GALNT13: variants seen among roughly 807,000 people sequenced by gnomAD.
GALNT13 encodes the protein UDP-GalNAc:polypeptide N-acetylgalactosaminyltransferase 13.
GALNT13 carries 28 observed loss-of-function variants against 64.2 expected under a neutral mutation model. The ratio of observed to expected loss-of-function variants is 0.44; its 90% CI spans 0.32 to 0.60. GALNT13 has a LOEUF of 0.60. GALNT13 is among the 20% of genes least tolerant of loss of function. The pLI, the probability that GALNT13 is intolerant of heterozygous loss-of-function variation, is 0.05. For missense variants in GALNT13, 577 were observed against 669.8 expected, an observed-to-expected ratio of 0.86 and a Z score of 1.53; for synonymous variants, 214 against 224.6, an observed-to-expected ratio of 0.95 and a Z score of 0.42.
At chr2:153,320,900 A>G in the GALNT13 span, among the ~76,000 whole-genome samples, 5 of 152,144 alleles carry the variant, frequency 3.3e-5, no homozygotes, top group East Asian at 1.9e-4. Flanking sequence ...ATATCTTTTA[A>G]CCCATTCAAT....
At chr2:153,182,705 A>G in the GALNT13 span, among the ~76,000 whole-genome samples, 1 of 152,178 alleles carries the variant, frequency 6.6e-6, no homozygotes, top group Non-Finnish European at 1.5e-5. Context: ...TAGTGAGAAC[A>G]TGAGGTGTTT....
the GALNT13 span, among the ~76,000 whole-genome samples, chr2:153,472,336 T>A: frequency 6.6e-6 from 1 of 152,212 alleles, no homozygotes; most frequent in Non-Finnish European, 1.5e-5. Context: ...GGCATAATTA[T>A]GTGTGTATAT....
intron 3 of GALNT13, among the ~76,000 whole-genome samples, chr2:154,022,437 C>T (rs1005045623): frequency 3.9e-5 from 6 of 152,098 alleles, no homozygotes; most frequent in African/African-American, 1.4e-4. Context: ...ATGTATGTGT[C>T]GAGGAATTTA....
chr2:154,307,698 G>T (rs1693815264), intron 9 of GALNT13, among the ~76,000 whole-genome samples: 2 of 151,786 alleles, frequency 1.3e-5, no homozygotes, highest in Non-Finnish European at 2.9e-5. Flanking sequence ...TAGCATCATT[G>T]ATTTTTAAAG....
chr2:153,662,087 C>T, the GALNT13 span, among the ~76,000 whole-genome samples: 23 of 152,076 alleles, frequency 1.5e-4, no homozygotes, highest in Non-Finnish European at 2.9e-4. Flanking sequence ...TGTTGACGTC[C>T]GACATCTCTC....
chr2:153,979,248 TG>T (rs1419487006), intron 3 of GALNT13, among the ~76,000 whole-genome samples: 1 of 152,138 alleles, frequency 6.6e-6, no homozygotes, highest in East Asian at 1.9e-4. Context: ...ACTTTGAGGA[TG>T]GTTGTTTTTC....
chr2:153,396,717 T>C, the GALNT13 span, among the ~76,000 whole-genome samples: 1 of 152,110 alleles, frequency 6.6e-6, no homozygotes, highest in South Asian at 2.1e-4. Flanking sequence ...CTATCATAGA[T>C]ATTAAACATG....
intron 9 of GALNT13, among the ~76,000 whole-genome samples, chr2:154,311,717 T>G (rs1694050716): frequency 6.6e-6 from 1 of 152,138 alleles, no homozygotes; most frequent in Non-Finnish European, 1.5e-5. Flanking sequence ...GACTGGAGTT[T>G]ATTTCACCTC....
the GALNT13 span, among the ~76,000 whole-genome samples, chr2:153,113,841 G>T: frequency 6.6e-6 from 1 of 152,042 alleles, no homozygotes; most frequent in Non-Finnish European, 1.5e-5. Flanking sequence ...TACATGACTT[G>T]CCCAAATTTG....
intron 2 of GALNT13, among the ~76,000 whole-genome samples, chr2:153,926,135 C>A (rs990068): frequency 0.72 from 109,030 of 151,854 alleles, 39,473 homozygotes; most frequent in East Asian, 0.96. Flanking sequence ...GAAATCACTA[C>A]GCATCTCAGA....
chr2:153,734,241 G>C, the GALNT13 span, among the ~76,000 whole-genome samples: 1 of 152,056 alleles, frequency 6.6e-6, no homozygotes, highest in East Asian at 1.9e-4. Context: ...TTGCTTTTCA[G>C]TTTTCATGTG....
chr2:153,335,322 A>G, the GALNT13 span, among the ~76,000 whole-genome samples: 1 of 152,240 alleles, frequency 6.6e-6, no homozygotes, highest in African/African-American at 2.4e-5. Flanking sequence ...AACAGTTTGA[A>G]GAGCTCAAAA....
the GALNT13 span, among the ~76,000 whole-genome samples, chr2:153,134,510 G>T: frequency 6.6e-6 from 1 of 152,084 alleles, no homozygotes; most frequent in Non-Finnish European, 1.5e-5. Flanking sequence ...TTAATAACAC[G>T]CTACACAATT....
chr2:154,223,118 A>G (rs1262067780), intron 4 of GALNT13, among the ~76,000 whole-genome samples: 3 of 152,180 alleles, frequency 2.0e-5, no homozygotes, highest in Non-Finnish European at 4.4e-5. Context: ...ATAAAACTAT[A>G]AAAGGGTCCA....
At chr2:154,044,425 C>T (rs1699176593) in intron 3 of GALNT13, among the ~76,000 whole-genome samples, 1 of 152,192 alleles carries the variant, frequency 6.6e-6, no homozygotes, top group African/African-American at 2.4e-5. Flanking sequence ...CATTCAGTGT[C>T]AGTCATGTAG....
the GALNT13 span, among the ~76,000 whole-genome samples, chr2:153,701,829 A>G: frequency 6.6e-6 from 1 of 152,216 alleles, no homozygotes; most frequent in Non-Finnish European, 1.5e-5. Context: ...GTCAAGAAAC[A>G]AAAGATGCTG....
At chr2:153,675,095 G>T in the GALNT13 span, among the ~76,000 whole-genome samples, 1 of 152,314 alleles carries the variant, frequency 6.6e-6, no homozygotes, top group Admixed American at 6.5e-5. Context: ...TGCACTGTTT[G>T]CAGGAGTGTA....
At chr2:153,998,939 T>G (rs187254942) in intron 3 of GALNT13, among the ~76,000 whole-genome samples, 107 of 152,194 alleles carry the variant, frequency 7.0e-4, no homozygotes, top group African/African-American at 2.4e-3. Flanking sequence ...TGCTCATGGA[T>G]AGGAAGAATC....
At chr2:153,196,221 A>C in the GALNT13 span, among the ~76,000 whole-genome samples, 1 of 152,068 alleles carries the variant, frequency 6.6e-6, no homozygotes. Flanking sequence ...CCAGGAGCCT[A>C]TCTGCCTCAT....
Sources: allele counts gnomAD v4.1 joint callset (sites outside exome capture counted in the v4.1 genomes callset), GRCh38; gene constraint gnomAD v4.1.1; transcripts MANE v1.5; gene names NCBI Gene and HGNC (gene_info 2026-07-23, HGNC 2026-07-21).